The following CRTC3 variants were observed in gnomAD, a reference collection of about 807,000 sequenced individuals.
CRTC3 encodes CREB regulated transcription coactivator 3.
In CRTC3, 26 loss-of-function variants were observed where a neutral mutation model predicts 74.5. That is an observed-to-expected ratio of 0.35 (90% CI 0.26 to 0.48). The LOEUF (loss-of-function observed/expected upper bound fraction) is 0.48. Among genes scored for constraint, CRTC3 ranks in the 20% least tolerant of loss-of-function variants. The pLI is 0.99. For missense variants in CRTC3, 760 were observed against 787.3 expected (o/e 0.97, Z 0.41); for synonymous variants, 377 against 325.8 (o/e 1.16, Z -1.69).
At chr15:90,628,848 G>A (rs1968932098) in intron 10 of CRTC3, among the ~76,000 whole-genome samples, 1 of 152,008 alleles carries the variant, frequency 6.6e-6, no homozygotes, top group African/African-American at 2.4e-5. Context: ...CAGGCAGTGT[G>A]CTTGGGACAG....
chr15:90,547,963 A>G (rs1247320229), intron 2 of CRTC3, among the ~76,000 whole-genome samples: 1 of 141,734 alleles, frequency 7.1e-6, no homozygotes, highest in Non-Finnish European at 1.5e-5. Context: ...ATCTTGGCTC[A>G]CTGCAACCTC....
At chr15:90,538,248 A>G (rs1966750440) in intron 1 of CRTC3, among the ~76,000 whole-genome samples, 1 of 152,256 alleles carries the variant, frequency 6.6e-6, no homozygotes. Flanking sequence ...AAGAATAGTC[A>G]GATGCTTCTG....
At chr15:90,619,457 A>G (rs1968581354) in intron 8 of CRTC3, among the ~76,000 whole-genome samples, 1 of 152,212 alleles carries the variant, frequency 6.6e-6, no homozygotes, top group South Asian at 2.1e-4. Flanking sequence ...AACTCCGTAA[A>G]AAGCTCTATG....
intron 2 of CRTC3, among the ~76,000 whole-genome samples, chr15:90,589,625 C>T (rs1295238782): frequency 6.6e-6 from 1 of 152,212 alleles, no homozygotes; most frequent in Non-Finnish European, 1.5e-5. Flanking sequence ...TCCCGCAATG[C>T]TAGGATTATA....
intron 2 of CRTC3, among the ~76,000 whole-genome samples, chr15:90,546,369 C>A (rs182434190): frequency 6.6e-6 from 1 of 152,096 alleles, no homozygotes; most frequent in Non-Finnish European, 1.5e-5. Flanking sequence ...GGTCTATTTC[C>A]GGACTCTTCT....
chr15:90,579,282 T>C (rs79588882), intron 2 of CRTC3, among the ~76,000 whole-genome samples: 2,642 of 152,244 alleles, frequency 0.017, 70 homozygotes, highest in African/African-American at 0.057. Flanking sequence ...TTGGTGTCTG[T>C]AGGGGGCCCT....
intron 11 of CRTC3, among the ~76,000 whole-genome samples, chr15:90,636,861 C>T (rs576735351): frequency 2.1e-3 from 314 of 152,326 alleles, no homozygotes; most frequent in African/African-American, 7.4e-3. Flanking sequence ...GAGGTACCAT[C>T]TCACACCAGT....
chr15:90,566,546 T>G, intron 2 of CRTC3, among the ~76,000 whole-genome samples: 1 of 81,078 alleles, frequency 1.2e-5, no homozygotes. Context: ...CAAGACTCTG[T>G]CTATTAAAAA....
At chr15:90,616,203 G>A (rs773695287) in intron 7 of CRTC3, among the ~76,000 whole-genome samples, 11 of 152,144 alleles carry the variant, frequency 7.2e-5, no homozygotes, top group Non-Finnish European at 1.3e-4. Flanking sequence ...AGGATTAAGA[G>A]AGACACCTGG....
chr15:90,627,301 G>C (rs918848630), intron 10 of CRTC3, among the ~76,000 whole-genome samples: 2 of 152,192 alleles, frequency 1.3e-5, no homozygotes, highest in East Asian at 3.8e-4. Flanking sequence ...TCTCAGTTTT[G>C]ATATTTATAC....
intron 3 of CRTC3, among the ~76,000 whole-genome samples, chr15:90,597,684 T>C (rs140973785): frequency 2.0e-5 from 3 of 152,304 alleles, no homozygotes; most frequent in Non-Finnish European, 4.4e-5. Context: ...ATTTCAAAAC[T>C]TAAGTGATCA....
In CRTC3 at chr15:90,607,435, C is replaced by A; in HGVS notation, c.534C>A (p.Pro178=). ...CTCTGAGTACCAAGCCCCAGGACCC[C>A]TATGGAGGAGGGGGCCAGTCGGCCT... The part of the protein sequence containing the change: ...TSALSTKPQD[P]YGGGGQSAWP... The change falls in exon 6 of 15, where the codon CCC becomes CCA. Residue 178 remains proline, a synonymous_variant. Coordinates refer to ENST00000268184, the MANE Select transcript of CRTC3 (RefSeq NM_022769.5). The A allele has an allele frequency of 6.2e-7, 1 of 1,613,334 alleles. No individual in the cohort carries two copies.
At chr15:90,599,979 T>G (rs1437672569) in intron 3 of CRTC3, among the ~76,000 whole-genome samples, 1 of 152,224 alleles carries the variant, frequency 6.6e-6, no homozygotes, top group Non-Finnish European at 1.5e-5. Flanking sequence ...CTAATGGCTT[T>G]GCCAACAGAA....
At chr15:90,563,537 G>A (rs540111175) in intron 2 of CRTC3, among the ~76,000 whole-genome samples, 173 of 152,226 alleles carry the variant, frequency 1.1e-3, no homozygotes, top group Non-Finnish European at 2.0e-3. Flanking sequence ...GCAAAGCATA[G>A]CCTTGACCGA....
At chr15:90,560,166 G>A (rs1192263563) in intron 2 of CRTC3, among the ~76,000 whole-genome samples, 1 of 152,054 alleles carries the variant, frequency 6.6e-6, no homozygotes, top group East Asian at 1.9e-4. Context: ...CAGGTTTGGT[G>A]GTTGATCAAA....
At chr15:90,633,043 G>A (rs999115288) in intron 11 of CRTC3, among the ~76,000 whole-genome samples, 2 of 152,120 alleles carry the variant, frequency 1.3e-5, no homozygotes, top group Admixed American at 6.5e-5. Flanking sequence ...GTGCGCACAT[G>A]TGCACACACA....
At chr15:90,636,573 A>G (rs1377019448) in intron 11 of CRTC3, among the ~76,000 whole-genome samples, 1 of 152,084 alleles carries the variant, frequency 6.6e-6, no homozygotes, top group Admixed American at 6.6e-5. Context: ...TAATTAAACT[A>G]AAGAGCTTCT....
At chr15:90,634,898 A>G (rs1969176649) in intron 11 of CRTC3, 2 of 1,572,320 alleles carry the variant, frequency 1.3e-6, no homozygotes, top group Non-Finnish European at 8.7e-7. Flanking sequence ...GTAAGGCTGG[A>G]GAGATTCAAC....
chr15:90,623,723 G>A (rs956426859), intron 9 of CRTC3, among the ~76,000 whole-genome samples: 10 of 152,074 alleles, frequency 6.6e-5, no homozygotes, highest in Non-Finnish European at 1.3e-4. Flanking sequence ...CCCACCCCGC[G>A]TCCAGCCTTC....
Sources: allele counts gnomAD v4.1 joint callset (sites outside exome capture counted in the v4.1 genomes callset), GRCh38; gene constraint gnomAD v4.1.1; transcripts MANE v1.5; gene names NCBI Gene and HGNC (gene_info 2026-07-23, HGNC 2026-07-21).